Variants in ZBTB20 observed in about 807,000 individuals in gnomAD.
ZBTB20 encodes the protein zinc finger and BTB domain-containing protein 20.
Under a neutral mutation model 56.9 loss-of-function variants are expected in ZBTB20, and 9 were observed. That is an observed-to-expected ratio of 0.16 (90% CI 0.10 to 0.28). ZBTB20 has a LOEUF of 0.28. ZBTB20 is among the 10% of genes least tolerant of loss of function. The pLI is 1.00. For synonymous variants in ZBTB20, 417 were observed against 420.7 expected (o/e 0.99, Z 0.11); for missense variants, 655 against 1,003.0 (o/e 0.65, Z 4.69).
At chr3:114,377,966 A>G (rs184005815) in intron 10 of ZBTB20, among the ~76,000 whole-genome samples, 1 of 152,356 alleles carries the variant, frequency 6.6e-6, no homozygotes, top group East Asian at 1.9e-4. Context: ...TTCTGAAGTT[A>G]AAGAGACTAA....
intron 6 of ZBTB20, among the ~76,000 whole-genome samples, chr3:114,649,417 T>C (rs531011100): frequency 1.3e-5 from 2 of 152,014 alleles, no homozygotes; most frequent in South Asian, 2.1e-4. Flanking sequence ...AATAAAAGAA[T>C]GTAGAGTTCC....
In ZBTB20 at chr3:115,077,022, T is replaced by TCACTGGCCGG. The variant is rs1213314994; in HGVS notation, c.-702-5618_-702-5609dup. On this transcript the variant is annotated intron_variant, in intron 1 of 11. Transcript: ENST00000675478. ...GGATGCAGAGCTCAGGCGGTAATGC[T>TCACTGGCCGG]CACTGGCCGGACACTCACCTCCTGC... 5.9e-5 allele frequency among the ~76,000 whole-genome samples: 9 copies of TCACTGGCCGG among 152,150 alleles called. No homozygotes were observed. The East Asian group carries it at 1.5e-3, about 26-fold the overall frequency.
At chr3:114,991,137 C>T (rs896583735) in intron 2 of ZBTB20, among the ~76,000 whole-genome samples, 2 of 152,014 alleles carry the variant, frequency 1.3e-5, no homozygotes, top group Non-Finnish European at 2.9e-5. Flanking sequence ...TGATTTCTTG[C>T]CTTCTGCTAG....
intron 7 of ZBTB20, among the ~76,000 whole-genome samples, chr3:114,433,372 T>C (rs768063946): frequency 8.5e-5 from 13 of 152,156 alleles, no homozygotes; most frequent in Non-Finnish European, 8.8e-5. Flanking sequence ...TTTTAATAAA[T>C]ACATCAATAA....
chr3:114,811,755 T>C (rs910324416), intron 4 of ZBTB20, among the ~76,000 whole-genome samples: 1 of 141,770 alleles, frequency 7.1e-6, no homozygotes, highest in Non-Finnish European at 1.5e-5. Flanking sequence ...AAACAAGAAA[T>C]CTAATCCATG....
At chr3:114,802,252 C>G (rs1166460477) in intron 4 of ZBTB20, among the ~76,000 whole-genome samples, 2 of 151,808 alleles carry the variant, frequency 1.3e-5, no homozygotes, top group African/African-American at 4.8e-5. Context: ...CACATTAGTG[C>G]AAGGTAATAT....
At chr3:115,059,804 T>C (rs948911957) in intron 2 of ZBTB20, among the ~76,000 whole-genome samples, 2 of 152,210 alleles carry the variant, frequency 1.3e-5, no homozygotes, top group Admixed American at 1.3e-4. Flanking sequence ...ATTTTTTCTA[T>C]GCAACAGAAG....
chr3:114,804,567 C>T (rs2071961166), intron 4 of ZBTB20, among the ~76,000 whole-genome samples: 1 of 151,856 alleles, frequency 6.6e-6, no homozygotes, highest in African/African-American at 2.4e-5. Flanking sequence ...TGTTTGTGGT[C>T]AGCATAGAAG....
chr3:115,000,806 A>AT (rs1163006140), intron 2 of ZBTB20, among the ~76,000 whole-genome samples: 1 of 151,592 alleles, frequency 6.6e-6, no homozygotes, highest in Admixed American at 6.6e-5. Flanking sequence ...CTCATTATAT[A>AT]TTTTTAAAGA....
chr3:115,085,399 G>T (rs2082949511), intron 1 of ZBTB20, among the ~76,000 whole-genome samples: 1 of 151,936 alleles, frequency 6.6e-6, no homozygotes, highest in South Asian at 2.1e-4. Flanking sequence ...AAGTAAGTTG[G>T]ACACTCTTGG....
chr3:114,321,604 A>G lies in ZBTB20; in HGVS notation c.*17401T>C, dbSNP rs1381112107. The G allele has an allele frequency of 1.3e-5, 2 of 152,240 alleles. No individual in the cohort carries two copies. The highest frequency in any genetic ancestry group is 2.4e-5 in the African/African-American group (1 of 41,468). The allele number at this position is 152,240 out of a possible 1,614,324, so 9.4% of individuals were successfully genotyped here. A position where few individuals can be genotyped will look rare whatever the true frequency, so the allele number is the denominator to read the frequency against. On this transcript the variant is annotated 3_prime_UTR_variant, in exon 12 of 12. Coordinates refer to ENST00000675478, the MANE Select transcript of ZBTB20 (RefSeq NM_001348800.3). ...GGTTCCATATGGAAACAAAAAATAA[A>G]GAGAAAGAACTGGTAAGAGTTGAGC... is the stretch of plus-strand genomic sequence containing the variant.
chr3:114,475,726 A>C (rs2109308522), intron 7 of ZBTB20, among the ~76,000 whole-genome samples: 1 of 152,340 alleles, frequency 6.6e-6, no homozygotes, highest in South Asian at 2.1e-4. Context: ...TTATAGAATA[A>C]GGACCAAATG....
intron 2 of ZBTB20, among the ~76,000 whole-genome samples, chr3:114,995,596 A>C (rs901185362): frequency 2.0e-5 from 3 of 151,822 alleles, no homozygotes; most frequent in Admixed American, 1.3e-4. Flanking sequence ...CTTTGAAAAA[A>C]TCTCAGCAGA....
chr3:115,068,086 T>C (rs949670999), intron 2 of ZBTB20, among the ~76,000 whole-genome samples: 12 of 152,212 alleles, frequency 7.9e-5, no homozygotes, highest in African/African-American at 2.6e-4. Context: ...CTGACAGGTA[T>C]GTCATATAAA....
chr3:114,656,257 T>C (rs1308621418), intron 6 of ZBTB20, among the ~76,000 whole-genome samples: 8 of 152,226 alleles, frequency 5.3e-5, no homozygotes. Context: ...ATACAGTGCC[T>C]ACATGTGATT....
intron 7 of ZBTB20, among the ~76,000 whole-genome samples, chr3:114,429,974 T>C (rs1245813909): frequency 6.6e-6 from 1 of 152,050 alleles, no homozygotes; most frequent in Admixed American, 6.6e-5. Context: ...GCCCTGCTGA[T>C]TGGATATCAA....
intron 1 of ZBTB20, among the ~76,000 whole-genome samples, chr3:115,108,726 T>C (rs1367028259): frequency 6.6e-6 from 1 of 152,170 alleles, no homozygotes; most frequent in Non-Finnish European, 1.5e-5. Flanking sequence ...CAGAAAATAT[T>C]ACCGGAGTTC....
intron 10 of ZBTB20, 117 bp from the exon 11 acceptor site, chr3:114,351,995 C>G (rs1417005342): frequency 7.6e-7 from 1 of 1,307,488 alleles, no homozygotes; most frequent in East Asian, 2.4e-5. Context: ...ACTGCCCTTA[C>G]ATACGCAAGT....
intron 6 of ZBTB20, among the ~76,000 whole-genome samples, chr3:114,636,930 A>AAAC (rs59308502): frequency 1 from 151,684 of 151,806 alleles, 75,781 homozygotes; most frequent in Middle Eastern, 1. Context: ...CAACAACAAA[A>AAAC]AACAACAACA....
Sources: allele counts gnomAD v4.1 joint callset (sites outside exome capture counted in the v4.1 genomes callset), GRCh38; gene constraint gnomAD v4.1.1; transcripts MANE v1.5; gene names NCBI Gene and HGNC (gene_info 2026-07-23, HGNC 2026-07-21).